The following TYW1B variants were observed in gnomAD, a reference collection of about 807,000 sequenced individuals.
TYW1B encodes the protein tRNA-yW synthesizing protein 1 homolog B.
TYW1B carries 73 observed loss-of-function variants against 86.9 expected under a neutral mutation model. That is an observed-to-expected ratio of 0.84 (90% confidence interval 0.70 to 1.02). The LOEUF is 1.02. Ranked by LOEUF, TYW1B falls within the 50% of genes least tolerant of loss-of-function variation. The probability of loss-of-function intolerance (pLI) is 0.00; values close to 1 mark genes in which losing one functional copy is unlikely to be tolerated. For missense variants in TYW1B, 637 were observed against 827.4 expected (o/e 0.77, Z 2.82); for synonymous variants, 248 against 292.8 (o/e 0.85, Z 1.56).
intron 8 of TYW1B, among the ~76,000 whole-genome samples, chr7:72,729,947 A>C (rs1440915268): frequency 6.6e-6 from 1 of 152,182 alleles, no homozygotes; most frequent in African/African-American, 2.4e-5. Context: ...TGAGGCACTC[A>C]CAGGAACCAC....
chr7:72,698,864 T>G (rs1379282016), intron 10 of TYW1B, among the ~76,000 whole-genome samples: 1 of 152,168 alleles, frequency 6.6e-6, no homozygotes, highest in Non-Finnish European at 1.5e-5. Context: ...AAATGCAGAT[T>G]CTGACTGCAA....
intron 7 of TYW1B, among the ~76,000 whole-genome samples, chr7:72,770,953 C>CTTTTTTTTTTTTTT (rs202136569): frequency 4.6e-5 from 4 of 87,482 alleles, no homozygotes; most frequent in African/African-American, 1.8e-4. Context: ...TATGAATTTC[C>CTTTTTTTTTTTTTT]TTTTTTTTTT....
chr7:72,809,892 C>T (rs527693050), intron 4 of TYW1B, among the ~76,000 whole-genome samples: 312 of 150,816 alleles, frequency 2.1e-3, no homozygotes, highest in African/African-American at 7.1e-3. Flanking sequence ...CCCAGCTACT[C>T]GGGAGGCTGA....
intron 11 of TYW1B, among the ~76,000 whole-genome samples, chr7:72,644,043 T>C (rs1282190957): frequency 1.3e-4 from 20 of 152,270 alleles, no homozygotes; most frequent in Admixed American, 1.2e-3. Flanking sequence ...AGATAATACA[T>C]AGTAACCAAG....
intron 6 of TYW1B, among the ~76,000 whole-genome samples, chr7:72,792,803 C>G (rs1788242735): frequency 6.6e-6 from 1 of 152,028 alleles, no homozygotes; most frequent in Non-Finnish European, 1.5e-5. Context: ...ATGACAGGAC[C>G]AGAAAGTTGT....
chr7:72,767,644 A>C (rs1787794690), intron 7 of TYW1B, among the ~76,000 whole-genome samples: 1 of 152,150 alleles, frequency 6.6e-6, no homozygotes, highest in African/African-American at 2.4e-5. Context: ...AATAAAAAAA[A>C]CTTTGTCTTC....
chr7:72,810,792 T>C (rs1440537972), intron 3 of TYW1B, 127 bp from the exon 4 acceptor site: 2 of 1,341,712 alleles, frequency 1.5e-6, no homozygotes, highest in African/African-American at 3.0e-5. Flanking sequence ...ATGGCTCATT[T>C]TCGAAAGTGA....
chr7:72,713,850 G>A (rs559063821), intron 9 of TYW1B, 52 bp from the exon 10 acceptor site: 13 of 1,494,162 alleles, frequency 8.7e-6, no homozygotes, highest in Admixed American at 4.8e-5. Context: ...GATAGAGGAT[G>A]TCACGTTTTT....
rs540474819 is a variant in TYW1B, at chr7:72,727,059, AC to A, written c.1192+1762del. 1.5e-3 allele frequency among the ~76,000 whole-genome samples: 236 copies of A among 152,276 alleles called. 3 individuals carry two copies. Among genetic ancestry groups the A allele is most frequent in the African/African-American group, 5.5e-3 (230 of 41,548 alleles). ...CAATTACCTCCACCGGTCTCTCTCG[AC>A]GCATAGGGATTATGGGGATTACGGA... On this transcript the variant is annotated intron_variant, in intron 9 of 13. Coordinates refer to ENST00000620995, the MANE Select transcript of TYW1B (RefSeq NM_001145440.3).
intron 8 of TYW1B, among the ~76,000 whole-genome samples, chr7:72,738,745 T>C (rs1457305820): frequency 6.6e-6 from 1 of 152,126 alleles, no homozygotes; most frequent in East Asian, 1.9e-4. Context: ...TTGTTTGTTT[T>C]TACCACATCT....
intron 2 of TYW1B, among the ~76,000 whole-genome samples, chr7:72,823,751 C>A (rs1788876829): frequency 1.3e-5 from 2 of 152,026 alleles, no homozygotes; most frequent in African/African-American, 2.4e-5. Context: ...AACATTAAGC[C>A]ACTGAGACTT....
intron 11 of TYW1B, among the ~76,000 whole-genome samples, chr7:72,668,820 A>G (rs1185072462): frequency 6.6e-6 from 1 of 152,224 alleles, no homozygotes; most frequent in Non-Finnish European, 1.5e-5. Flanking sequence ...TTTAAGTCTC[A>G]GTTCCGCTAT....
intron 11 of TYW1B, among the ~76,000 whole-genome samples, chr7:72,649,050 G>A (rs1407490656): frequency 6.6e-6 from 1 of 152,168 alleles, no homozygotes; most frequent in African/African-American, 2.4e-5. Flanking sequence ...GGAGAAATTA[G>A]GTGAGGGTGC....
At chr7:72,641,304 T>C (rs188823889) in intron 11 of TYW1B, among the ~76,000 whole-genome samples, 1 of 152,194 alleles carries the variant, frequency 6.6e-6, no homozygotes, top group African/African-American at 2.4e-5. Context: ...ATGGCTTCAT[T>C]GCCAAACATT....
In TYW1B at chr7:72,807,299, G is replaced by A. The variant is rs531094097; in HGVS notation, c.490C>T (p.Arg164Ter). ...ACCACGTCGCAGTCGCCCTCCCCTC[G>A]ACTCATCACACGATGCACGCCAAGC... ...WMLGVHRVMSRGEGDCDVVKS... is the reference protein window; with the variant it reads ...WMLGVHRVMS Residue 164 changes from arginine to a stop codon, truncating the protein, a stop_gained, in exon 5 of 14, where the codon CGA becomes TGA. Transcript: ENST00000620995. LOFTEE classifies it high-confidence loss of function. 14 of 1,613,994 alleles carry A rather than the reference G, an allele frequency of 8.7e-6. No individual in the cohort carries two copies. The Middle Eastern group carries it at 6.6e-4, about 76-fold the overall frequency.
At chr7:72,682,293 T>C (rs1813895698) in intron 11 of TYW1B, among the ~76,000 whole-genome samples, 1 of 151,938 alleles carries the variant, frequency 6.6e-6, no homozygotes, top group Admixed American at 6.6e-5. Flanking sequence ...TTTCAATACG[T>C]AGTAATGATA....
chr7:72,644,302 C>A (rs1812873285), intron 11 of TYW1B, among the ~76,000 whole-genome samples: 1 of 152,176 alleles, frequency 6.6e-6, no homozygotes. Flanking sequence ...ATAATCCCAA[C>A]ACTTTGGGAG....
chr7:72,683,694 A>G (rs1204835561), intron 11 of TYW1B, among the ~76,000 whole-genome samples: 1 of 152,220 alleles, frequency 6.6e-6, no homozygotes, highest in Non-Finnish European at 1.5e-5. Flanking sequence ...TTTACCCAGG[A>G]TATCACATTC....
intron 11 of TYW1B, among the ~76,000 whole-genome samples, chr7:72,666,140 A>G (rs1813455872): frequency 6.6e-6 from 1 of 152,186 alleles, no homozygotes; most frequent in South Asian, 2.1e-4. Context: ...AAGGCCAGGC[A>G]TGGTGGCTCA....
Sources: gnomAD v4.1 joint callset for allele counts (sites outside exome capture counted in the v4.1 genomes callset) on GRCh38, gnomAD v4.1.1 for gene constraint, MANE v1.5 for transcripts, NCBI Gene and HGNC (gene_info 2026-07-23, HGNC 2026-07-21) for gene names.